The following LUZP2 variants were observed in gnomAD, a reference collection of about 807,000 sequenced individuals.
The protein encoded by LUZP2 is leucine zipper protein 2.
Under a neutral mutation model 51.6 loss-of-function variants are expected in LUZP2, and 52 were observed. The observed-to-expected ratio is 1.01, with a 90% CI of 0.81 to 1.27. The LOEUF is 1.27. LUZP2 is among the 50% of genes most tolerant of loss of function. The probability of loss-of-function intolerance (pLI) is 0.00; values close to 1 mark genes in which losing one functional copy is unlikely to be tolerated. For synonymous variants in LUZP2, 154 were observed against 137.3 expected (o/e 1.12, Z -0.85); for missense variants, 436 against 395.4 (o/e 1.10, Z -0.87).
chr11:24,507,670 A>C (rs1850182351), intron 1 of LUZP2, among the ~76,000 whole-genome samples: 1 of 148,986 alleles, frequency 6.7e-6, no homozygotes, highest in African/African-American at 2.5e-5. Flanking sequence ...TTATATAATA[A>C]AGAGGCAAAA....
intron 9 of LUZP2, among the ~76,000 whole-genome samples, chr11:25,008,092 G>A (rs756301673): frequency 3.9e-5 from 6 of 152,162 alleles, no homozygotes; most frequent in Non-Finnish European, 8.8e-5. Flanking sequence ...GTGACCAGTC[G>A]TGTCCTTACC....
intron 9 of LUZP2, among the ~76,000 whole-genome samples, chr11:24,990,453 G>T (rs1045246317): frequency 2.0e-5 from 3 of 151,980 alleles, no homozygotes; most frequent in Admixed American, 1.3e-4. Flanking sequence ...TTGTCTCACT[G>T]ATGGGGAAAA....
chr11:24,960,682 C>T (rs576332821), intron 7 of LUZP2, among the ~76,000 whole-genome samples: 1 of 152,088 alleles, frequency 6.6e-6, no homozygotes, highest in African/African-American at 2.4e-5. Flanking sequence ...TTTTCTTGAG[C>T]CTTTCAAAAA....
At chr11:24,799,907 G>A (rs1849649509) in intron 5 of LUZP2, among the ~76,000 whole-genome samples, 1 of 152,124 alleles carries the variant, frequency 6.6e-6, no homozygotes, top group Non-Finnish European at 1.5e-5. Context: ...TTTAGGCATT[G>A]AGCATATCTT....
chr11:24,936,523 C>G (rs2133842138), intron 7 of LUZP2, among the ~76,000 whole-genome samples: 1 of 140,204 alleles, frequency 7.1e-6, no homozygotes, highest in East Asian at 2.3e-4. Flanking sequence ...GTTTAAGGTT[C>G]ACAAAAGAGT....
chr11:25,026,689 AG>A (rs1455590714), intron 9 of LUZP2, among the ~76,000 whole-genome samples: 7 of 152,038 alleles, frequency 4.6e-5, no homozygotes, highest in Non-Finnish European at 8.8e-5. Context: ...TTTAAAAGGT[AG>A]CATGATTGGT....
chr11:24,895,830 G>A (rs1435139116), intron 5 of LUZP2, among the ~76,000 whole-genome samples: 1 of 152,132 alleles, frequency 6.6e-6, no homozygotes, highest in Non-Finnish European at 1.5e-5. Flanking sequence ...AGAAATATTT[G>A]TTTTCTTTTT....
intron 9 of LUZP2, among the ~76,000 whole-genome samples, chr11:25,048,848 T>C (rs974934447): frequency 4.6e-5 from 7 of 151,634 alleles, no homozygotes; most frequent in Non-Finnish European, 7.4e-5. Context: ...TTTATTTATT[T>C]ATTATTATAC....
chr11:24,621,063 G>A (rs1378660023), intron 1 of LUZP2, among the ~76,000 whole-genome samples: 1 of 152,126 alleles, frequency 6.6e-6, no homozygotes, highest in East Asian at 1.9e-4. Flanking sequence ...CCATGCTAAG[G>A]TAGCTACTAA....
At chr11:24,926,925 A>G (rs1268905823) in intron 7 of LUZP2, among the ~76,000 whole-genome samples, 1 of 151,516 alleles carries the variant, frequency 6.6e-6, no homozygotes, top group African/African-American at 2.4e-5. Context: ...TTTTTTGATT[A>G]TGACCATTCT....
chr11:24,898,553 G>A (rs111846028), intron 5 of LUZP2, among the ~76,000 whole-genome samples: 28 of 152,040 alleles, frequency 1.8e-4, no homozygotes, highest in African/African-American at 6.5e-4. Context: ...AACTTGGGAA[G>A]CAGAGCTTAC....
At chr11:24,514,422 A>T (rs542891670) in intron 1 of LUZP2, among the ~76,000 whole-genome samples, 1 of 152,334 alleles carries the variant, frequency 6.6e-6, no homozygotes, top group East Asian at 1.9e-4. Context: ...CACATCTCAG[A>T]GCAGCTGAGA....
rs79079324 is a variant in LUZP2, at chr11:24,810,737, C to G, written c.396+47429C>G. On this transcript the variant is annotated intron_variant, in intron 5 of 11. Coordinates refer to ENST00000336930, the MANE Select transcript of LUZP2 (RefSeq NM_001009909.4). The stretch of plus-strand genomic sequence containing the variant: ...CAGAGTTATAATTTTAAAAGATAAT[C>G]TGGGAATTCCTCAAAAGAATAAATT... Among the ~76,000 whole-genome samples the G allele has an allele frequency of 2.7e-3, 404 of 152,218 alleles. 5 individuals carry two copies. The highest frequency in any genetic ancestry group is 9.4e-3 in the African/African-American group (390 of 41,536).
chr11:24,556,164 G>A (rs1322980888), intron 1 of LUZP2, among the ~76,000 whole-genome samples: 2 of 152,100 alleles, frequency 1.3e-5, no homozygotes, highest in African/African-American at 2.4e-5. Context: ...AAAGTTTTGT[G>A]GATATACTTC....
intron 9 of LUZP2, among the ~76,000 whole-genome samples, chr11:25,027,885 G>T (rs2404015): frequency 4.0e-5 from 2 of 50,258 alleles, no homozygotes; most frequent in Non-Finnish European, 1.1e-4. Context: ...AAAAAAAAAA[G>T]GTGTTTAGAT....
Position 24,988,511 on chromosome 11 carries a change from G to A in LUZP2, c.765+5218G>A, listed in dbSNP as rs188371725. ...GCCAATGTTCTTGTTACTTTATTAT[G>A]AGACATGTTACTGAATGTTAGAAGA... is the stretch of plus-strand genomic sequence containing the variant. On this transcript the variant is annotated intron_variant, in intron 9 of 11. Coordinates refer to ENST00000336930, the MANE Select transcript of LUZP2 (RefSeq NM_001009909.4). 2.2e-4 allele frequency among the ~76,000 whole-genome samples: 34 copies of A among 152,070 alleles called. 1 individual carries two copies. In the South Asian group the frequency reaches 5.8e-3, roughly 26 times the overall value.
intron 9 of LUZP2, among the ~76,000 whole-genome samples, chr11:24,991,088 A>G (rs1856319654): frequency 6.6e-6 from 1 of 152,094 alleles, no homozygotes; most frequent in Admixed American, 6.6e-5. Context: ...TATACACTGC[A>G]CCCTATTTGT....
intron 1 of LUZP2, among the ~76,000 whole-genome samples, chr11:24,627,339 A>C (rs1312189948): frequency 1.3e-5 from 2 of 152,188 alleles, no homozygotes; most frequent in African/African-American, 2.4e-5. Context: ...TTTTTCAGCT[A>C]TAAGAAGAAA....
At chr11:24,938,841 T>C (rs1226903615) in intron 7 of LUZP2, among the ~76,000 whole-genome samples, 6 of 152,212 alleles carry the variant, frequency 3.9e-5, no homozygotes, top group Admixed American at 1.3e-4. Context: ...TTTAGCTACA[T>C]GGAATGAAGA....
Sources: gnomAD v4.1 joint callset for allele counts (sites outside exome capture counted in the v4.1 genomes callset) on GRCh38, gnomAD v4.1.1 for gene constraint, MANE v1.5 for transcripts, NCBI Gene and HGNC (gene_info 2026-07-23, HGNC 2026-07-21) for gene names.